ZNF609: variants seen among roughly 807,000 people sequenced by gnomAD.
ZNF609 encodes the protein zinc finger protein 609.
ZNF609 carries 11 observed loss-of-function variants against 109.5 expected under a neutral mutation model. The observed-to-expected ratio is 0.10, with a 90% CI of 0.06 to 0.17. The LOEUF (loss-of-function observed/expected upper bound fraction) is 0.17, where lower values mean the gene tolerates loss of function less well. Among genes scored for constraint, ZNF609 ranks in the 10% least tolerant of loss-of-function variants. The pLI, the probability that ZNF609 is intolerant of heterozygous loss-of-function variation, is 1.00. For synonymous variants in ZNF609, 646 were observed against 662.0 expected (o/e 0.98, Z 0.37); for missense variants, 1,559 against 1,772.4 (o/e 0.88, Z 2.16).
chr15:64,604,612 T>G (rs1397554547), intron 2 of ZNF609, among the ~76,000 whole-genome samples: 2 of 152,156 alleles, frequency 1.3e-5, no homozygotes, highest in Non-Finnish European at 2.9e-5. Context: ...CATATAAATT[T>G]GTGGGTAATG....
chr15:64,630,594 C>G (rs1896056197), intron 3 of ZNF609, among the ~76,000 whole-genome samples: 1 of 151,938 alleles, frequency 6.6e-6, no homozygotes, highest in Admixed American at 6.6e-5. Context: ...TGGAGTTTCA[C>G]TGTCTCCCCC....
In ZNF609 at chr15:64,680,796, C is replaced by T. The variant is rs1350275025; in HGVS notation, c.4096C>T (p.His1366Tyr). 5 of 1,610,082 alleles carry T rather than the reference C, an allele frequency of 3.1e-6. No homozygotes were observed. The highest frequency in any genetic ancestry group is 3.3e-5 in the Admixed American group (2 of 59,842). Residue 1366 changes from histidine to tyrosine, a missense_variant, in exon 8 of 10, where the codon CAC (histidine) becomes TAC (tyrosine). Coordinates refer to ENST00000326648, the MANE Select transcript of ZNF609 (RefSeq NM_015042.2). ...TCCTTCCCAGCGCCTGATGTCCACA[C>T]ACCACCACCACCACCACTTGGGGTA... ...TSPSQRLMST[H>Y]HHHHHLGYSL...
intron 2 of ZNF609, among the ~76,000 whole-genome samples, chr15:64,603,469 A>G (rs1407103443): frequency 6.6e-6 from 1 of 151,260 alleles, no homozygotes; most frequent in Non-Finnish European, 1.5e-5. Flanking sequence ...GGGTTTCTCC[A>G]TGTCGCCCAG....
chr15:64,528,524 C>A, intron 2 of ZNF609: 2 of 510,582 alleles, frequency 3.9e-6, no homozygotes, highest in Non-Finnish European at 7.1e-6. Context: ...CACCCTAGGC[C>A]CCTCCCTCTC....
chr15:64,653,334 C>A (rs1369411094), intron 3 of ZNF609, among the ~76,000 whole-genome samples: 2 of 152,060 alleles, frequency 1.3e-5, no homozygotes, highest in African/African-American at 2.4e-5. Context: ...TTTTGTCCCC[C>A]TCATTCTAGA....
At chr15:64,615,091 A>G (rs589190) in intron 2 of ZNF609, among the ~76,000 whole-genome samples, 112,636 of 151,722 alleles carry the variant, frequency 0.74, 45,366 homozygotes, top group East Asian at 0.96. Context: ...TGCTGGGATT[A>G]CAGGCGTGAG....
intron 4 of ZNF609, among the ~76,000 whole-genome samples, chr15:64,671,005 C>T (rs1166937437): frequency 1.3e-5 from 2 of 151,358 alleles, no homozygotes; most frequent in African/African-American, 2.4e-5. Context: ...GTCAGGAGAT[C>T]GAGACCATCC....
chr15:64,592,129 C>T (rs1271371538), intron 2 of ZNF609, among the ~76,000 whole-genome samples: 3 of 151,106 alleles, frequency 2.0e-5, no homozygotes, highest in African/African-American at 7.3e-5. Context: ...TACATCACTG[C>T]ACTCCAGCCT....
At chr15:64,473,191 C>CTTTTTTTTTTTTTTTTTT (rs951319279) in intron 1 of ZNF609, among the ~76,000 whole-genome samples, 10 of 76,076 alleles carry the variant, frequency 1.3e-4, no homozygotes, top group African/African-American at 5.2e-4. Flanking sequence ...ATATTTGGTT[C>CTTTTTTTTTTTTTTTTTT]TTTTTTTTTT....
intron 3 of ZNF609, among the ~76,000 whole-genome samples, chr15:64,633,149 GT>G (rs1161036344): frequency 2.1e-5 from 3 of 145,718 alleles, no homozygotes; most frequent in African/African-American, 7.6e-5. Flanking sequence ...GTTTTGTTTT[GT>G]TTTGTTTTGT....
intron 3 of ZNF609, among the ~76,000 whole-genome samples, chr15:64,666,251 A>G (rs924684937): frequency 6.8e-5 from 10 of 147,580 alleles, no homozygotes; most frequent in Admixed American, 2.7e-4. Flanking sequence ...AAAATCAGCC[A>G]TGCATGGTGG....
intron 3 of ZNF609, among the ~76,000 whole-genome samples, chr15:64,662,629 A>G (rs1006736625): frequency 1.3e-5 from 2 of 151,974 alleles, no homozygotes; most frequent in Admixed American, 6.6e-5. Context: ...TTGGCCATGA[A>G]GCATTTTTAA....
At chr15:64,679,925 G>C (rs924351763) in intron 6 of ZNF609, among the ~76,000 whole-genome samples, 1 of 152,286 alleles carries the variant, frequency 6.6e-6, no homozygotes, top group South Asian at 2.1e-4. Context: ...AGATGAATCT[G>C]AGACCAGTTC....
At chr15:64,463,095 A>T (rs1018679945) in intron 1 of ZNF609, among the ~76,000 whole-genome samples, 11 of 152,144 alleles carry the variant, frequency 7.2e-5, no homozygotes, top group African/African-American at 2.7e-4. Flanking sequence ...CTCTACAAAA[A>T]TTTAAAAAAA....
At chr15:64,471,412 A>G (rs1023397905) in intron 1 of ZNF609, 1 of 152,108 alleles carries the variant, frequency 6.6e-6, no homozygotes, top group Admixed American at 6.6e-5. Context: ...TTGGTAGGCA[A>G]AACTTGTTTG....
intron 2 of ZNF609, among the ~76,000 whole-genome samples, chr15:64,569,835 GT>G (rs1348011972): frequency 1.3e-5 from 2 of 152,304 alleles, no homozygotes; most frequent in East Asian, 3.9e-4. Context: ...AGCTAGTTAA[GT>G]TTTTTTCTGT....
chr15:64,581,092 C>G (rs1017103520), intron 2 of ZNF609, among the ~76,000 whole-genome samples: 1 of 149,978 alleles, frequency 6.7e-6, no homozygotes, highest in Admixed American at 6.7e-5. Context: ...CAGTTACACT[C>G]ATAGCACACT....
chr15:64,469,060 C>A (rs2960196), intron 1 of ZNF609, among the ~76,000 whole-genome samples: 101,174 of 119,046 alleles, frequency 0.85, 43,844 homozygotes, highest in East Asian at 0.96. Flanking sequence ...AAAAAAACAA[C>A]ACAATTCAGC....
chr15:64,548,805 A>C (rs955176423), intron 2 of ZNF609, among the ~76,000 whole-genome samples: 1 of 152,182 alleles, frequency 6.6e-6, no homozygotes, highest in Non-Finnish European at 1.5e-5. Flanking sequence ...ACAGCCCTTG[A>C]AGAGAAATTC....
Sources: gnomAD v4.1 joint callset for allele counts (sites outside exome capture counted in the v4.1 genomes callset) on GRCh38, gnomAD v4.1.1 for gene constraint, MANE v1.5 for transcripts, NCBI Gene and HGNC (gene_info 2026-07-23, HGNC 2026-07-21) for gene names.